Variants in NUP155 observed in about 807,000 individuals in gnomAD.
NUP155 encodes nucleoporin 155.
NUP155 carries 71 observed loss-of-function variants against 180.4 expected under a neutral mutation model. The observed-to-expected ratio is 0.39, with a 90% CI of 0.33 to 0.48. The LOEUF (loss-of-function observed/expected upper bound fraction) is 0.48. Ranked by LOEUF, NUP155 falls within the 20% of genes least tolerant of loss-of-function variation. The pLI is 0.91. For synonymous variants in NUP155, 582 were observed against 559.5 expected (o/e 1.04, Z -0.57); for missense variants, 1,553 against 1,648.9 (o/e 0.94, Z 1.01).
chr5:37,331,879 A>G, intron 13 of NUP155, 84 bp from the exon 14 acceptor site: 1 of 862,220 alleles, frequency 1.2e-6, no homozygotes, highest in Non-Finnish European at 1.9e-6. Context: ...TTGATAAAAT[A>G]AATGAAACAA....
intron 24 of NUP155, among the ~76,000 whole-genome samples, chr5:37,307,740 G>A (rs1393135156): frequency 1.3e-5 from 2 of 151,884 alleles, no homozygotes; most frequent in African/African-American, 2.4e-5. Flanking sequence ...TGACCAACAT[G>A]GTGAAACCCC....
Position 37,330,075 on chromosome 5 carries a change from T to C in NUP155, c.1687A>G (p.Arg563Gly), listed in dbSNP as rs776053928. 12 of 1,613,806 alleles carry C rather than the reference T, an allele frequency of 7.4e-6. No individual in the cohort carries two copies. Among genetic ancestry groups the C allele is most frequent in the African/African-American group, 1.3e-5 (1 of 75,060 alleles). The stretch of plus-strand genomic sequence containing the variant: ...CGAGTAGCCCAGGCAGATACTTCTC[T>C]ATCACAGGCAGCAGTGGAGCAAGCA... Reference protein sequence around the residue: ...ILACSTAACDREVSAWATRAF... With the variant: ...ILACSTAACDGEVSAWATRAF... The change falls in exon 15 of 35, where the codon AGA (arginine) becomes GGA (glycine). Residue 563 changes from arginine to glycine, a missense_variant. By Grantham distance (125) the Arg-to-Gly change is moderately radical. Transcript: ENST00000231498.
rs762015161 is a variant in NUP155, at chr5:37,310,547, C to T, written c.2628+5G>A. On this transcript the variant is annotated splice_donor_5th_base_variant and intron_variant, in intron 23 of 34. Transcript: ENST00000231498. ...AACAATGAAATAGGTAATAAAGTAT[C>T]ATACCTTAGAACAAATTGCATCATC... 3.1e-6 allele frequency: 5 copies of T among 1,605,452 alleles called. No individual in the cohort carries two copies. The South Asian group carries it at 5.5e-5, about 18-fold the overall frequency.
chr5:37,344,186 T>C (rs1275614524), intron 9 of NUP155, among the ~76,000 whole-genome samples: 1 of 151,084 alleles, frequency 6.6e-6, no homozygotes, highest in Non-Finnish European at 1.5e-5. Context: ...CTAAAAAATA[T>C]ATAAAAATTA....
Position 37,356,186 on chromosome 5 carries a change from G to A in NUP155, c.463+1895C>T, listed in dbSNP as rs183848873. Among the ~76,000 whole-genome samples, 84 of 139,140 alleles carry A rather than the reference G, an allele frequency of 6.0e-4. No homozygotes were observed. The East Asian group carries it at 0.015, about 24-fold the overall frequency. The allele number at this position is 139,140 out of a possible 152,430, so 91.3% of individuals were successfully genotyped here. A position where few individuals can be genotyped will look rare whatever the true frequency, so the allele number is the denominator to read the frequency against. On this transcript the variant is annotated intron_variant, in intron 4 of 34. Transcript: ENST00000231498. ...GGAGGGTGCGGTGAGCCGAGATCAC[G>A]CCATTACACTCCAGCCTGGGCAACA... is the stretch of plus-strand genomic sequence containing the variant.
intron 30 of NUP155, chr5:37,301,070 C>T (rs762511750): frequency 1.2e-5 from 3 of 258,644 alleles, no homozygotes; most frequent in South Asian, 4.5e-5. Context: ...GTGATCTGCC[C>T]GCCTCAGCCT....
chr5:37,354,836 A>G (rs1326671435), intron 4 of NUP155, among the ~76,000 whole-genome samples: 1 of 152,064 alleles, frequency 6.6e-6, no homozygotes, highest in Non-Finnish European at 1.5e-5. Context: ...TCACGCCTGT[A>G]ATCTCAGCAC....
At position 37,302,523 on chromosome 5, in the gene NUP155, T is replaced by G. The variant is rs559808423; in HGVS notation, c.3447+256A>C. On this transcript the variant is annotated intron_variant, in intron 29 of 34. Transcript: ENST00000231498. ...TGCTGGGATTACAGGCGTGAGCCAC[T>G]GCACCCAGCTGGGAAAAACCTTTCG... is the stretch of plus-strand genomic sequence containing the variant. Among the ~76,000 whole-genome samples, 4 of 152,216 alleles carry G rather than the reference T, an allele frequency of 2.6e-5. No individual in the cohort carries two copies. In the East Asian group the frequency reaches 7.7e-4, roughly 29 times the overall value.
intron 34 of NUP155, 63 bp from the exon 35 acceptor site, chr5:37,292,101 T>G: frequency 3.3e-6 from 5 of 1,512,188 alleles, no homozygotes; most frequent in African/African-American, 1.4e-5. Flanking sequence ...GCAGGACTTC[T>G]TCCCCACCAA....
Position 37,348,560 on chromosome 5 carries a change from T to C in NUP155, c.940A>G (p.Arg314Gly). The change falls in exon 9 of 35, where the codon AGA becomes GGA. Residue 314 changes from arginine (R) to glycine (G), a missense_variant. By Grantham distance (125) the Arg-to-Gly change is moderately radical. Transcript: ENST00000231498. ...DLGQDGQGMS[R>G]VASVSQNAIV... ...GCATTCTGTGACACAGAGGCAACTC[T>C]GCTCATTCCTTGTCCATCTTGTCCC... is the stretch of plus-strand genomic sequence containing the variant. The C allele has an allele frequency of 6.2e-7, 1 of 1,612,754 alleles. No individual in the cohort carries two copies. Among genetic ancestry groups the C allele is most frequent in the Middle Eastern group, 1.7e-4 (1 of 6,058 alleles).
In NUP155 at chr5:37,322,930, A is replaced by ACG. The variant is rs1744342394; in HGVS notation, c.2207+1061_2207+1062insCG. 5.4e-5 allele frequency among the ~76,000 whole-genome samples: 8 copies of ACG among 148,686 alleles called. 1 individual carries two copies. The highest frequency in any genetic ancestry group is 3.3e-4 in the Admixed American group (5 of 14,928). On this transcript the variant is annotated intron_variant, in intron 20 of 34. Transcript: ENST00000231498. ...GGAGGTTGCAGTGAGCCGAGATTGC[A>ACG]CCATTGCACTCCAGCCTGGGCGACA...
chr5:37,327,395 C>G (rs143237418), intron 18 of NUP155, among the ~76,000 whole-genome samples: 1 of 152,084 alleles, frequency 6.6e-6, no homozygotes, highest in East Asian at 1.9e-4. Flanking sequence ...TAAGGAACAA[C>G]TGTATTTTGA....
chr5:37,299,519 G>C lies in NUP155; in HGVS notation c.3611C>G (p.Ala1204Gly), dbSNP rs145640004. The part of the protein sequence containing the change: ...DPFKLAECKL[A>G]IIHCAGYSDP... ...TGAATAACCGGCACAATGAATTATT[G>C]CAAGTTTGCACTCTGCAAGTTTAAA... Residue 1204 changes from alanine (A) to glycine (G), a missense_variant, in exon 31 of 35, where the codon GCA becomes GGA. By Grantham distance (60) the Ala-to-Gly change is moderately conservative (BLOSUM62 0). Coordinates refer to ENST00000231498, the MANE Select transcript of NUP155 (RefSeq NM_153485.3). The C allele has an allele frequency of 2.8e-5, 45 of 1,613,982 alleles. No individual in the cohort carries two copies. The highest frequency in any genetic ancestry group is 3.6e-5 in the Non-Finnish European group (42 of 1,179,912).
chr5:37,364,408 T>C (rs1314461628), intron 1 of NUP155, 24 bp from the exon 2 acceptor site: 2 of 1,605,998 alleles, frequency 1.2e-6, no homozygotes, highest in Non-Finnish European at 1.7e-6. Flanking sequence ...ATGAAGTATT[T>C]ATAATAATGT....
intron 5 of NUP155, among the ~76,000 whole-genome samples, chr5:37,351,596 G>T (rs560002661): frequency 1.3e-5 from 2 of 151,708 alleles, no homozygotes; most frequent in African/African-American, 4.8e-5. Context: ...ACAGGCGCCC[G>T]CCACCATGCC....
At chr5:37,337,203 C>T (rs1036131099) in intron 12 of NUP155, among the ~76,000 whole-genome samples, 1 of 152,066 alleles carries the variant, frequency 6.6e-6, no homozygotes, top group African/African-American at 2.4e-5. Flanking sequence ...AGACCATATC[C>T]ACTTCATGAT....
chr5:37,303,451 C>T, intron 27 of NUP155, 37 bp from the exon 28 acceptor site: 3 of 1,548,832 alleles, frequency 1.9e-6, no homozygotes, highest in East Asian at 2.2e-5. Context: ...AATTTTCTAA[C>T]CACCTACAGA....
At chr5:37,359,823 G>A (rs1033328731) in intron 3 of NUP155, among the ~76,000 whole-genome samples, 2 of 152,102 alleles carry the variant, frequency 1.3e-5, no homozygotes, top group South Asian at 2.1e-4. Flanking sequence ...ATACATATAG[G>A]CTTTATATAG....
At chr5:37,321,589 T>C (rs1210976040) in intron 20 of NUP155, among the ~76,000 whole-genome samples, 1 of 150,488 alleles carries the variant, frequency 6.6e-6, no homozygotes, top group Non-Finnish European at 1.5e-5. Flanking sequence ...TGGTGGCACA[T>C]GCATGTAATC....
Sources: allele counts gnomAD v4.1 joint callset (sites outside exome capture counted in the v4.1 genomes callset), GRCh38; gene constraint gnomAD v4.1.1; transcripts MANE v1.5; gene names NCBI Gene and HGNC (gene_info 2026-07-23, HGNC 2026-07-21).